Variants in CRADD observed in about 807,000 individuals in gnomAD.
CRADD encodes the protein death domain-containing protein CRADD.
Under a neutral mutation model 15.5 loss-of-function variants are expected in CRADD, and 9 were observed. The observed-to-expected ratio is 0.58, with a 90% CI of 0.35 to 1.01. The LOEUF is 1.01. Ranked by LOEUF, CRADD falls within the 50% of genes least tolerant of loss-of-function variation. CRADD has a pLI of 0.02. For synonymous variants in CRADD, 118 were observed against 107.6 expected (o/e 1.10, Z -0.60); for missense variants, 227 against 250.3 (o/e 0.91, Z 0.63).
intron 2 of CRADD, among the ~76,000 whole-genome samples, chr12:93,711,055 C>CCCCCCCTTTTTT: frequency 6.9e-5 from 3 of 43,508 alleles, no homozygotes; most frequent in Non-Finnish European, 8.8e-5. Context: ...CCACCCCCGC[C>CCCCCCCTTTTTT]TTTTTTTTTT....
chr12:93,893,916 A>T (rs998396157), intron 2 of CRADD: 9 of 627,990 alleles, frequency 1.4e-5, no homozygotes, highest in African/African-American at 3.7e-5. Flanking sequence ...GAAAAAAAAA[A>T]AAATAAGCAC....
At chr12:93,842,871 T>G (rs1565935574) in intron 2 of CRADD, among the ~76,000 whole-genome samples, 1 of 152,092 alleles carries the variant, frequency 6.6e-6, no homozygotes, top group Non-Finnish European at 1.5e-5. Context: ...GATCCTTGGC[T>G]TCATTGCAGT....
At chr12:93,823,786 A>G (rs1957794500) in intron 2 of CRADD, among the ~76,000 whole-genome samples, 1 of 152,192 alleles carries the variant, frequency 6.6e-6, no homozygotes, top group African/African-American at 2.4e-5. Flanking sequence ...AGAGGTGGGA[A>G]GTGGAGTGAG....
At chr12:93,691,830 A>G (rs986156809) in intron 2 of CRADD, among the ~76,000 whole-genome samples, 2 of 152,192 alleles carry the variant, frequency 1.3e-5, no homozygotes, top group Non-Finnish European at 2.9e-5. Context: ...AAATAATTGC[A>G]TGAAGTCAGA....
chr12:93,866,304 C>A (rs1042262001), intron 2 of CRADD, among the ~76,000 whole-genome samples: 1 of 152,022 alleles, frequency 6.6e-6, no homozygotes, highest in Non-Finnish European at 1.5e-5. Flanking sequence ...AATTTCCTTA[C>A]CCTTTCTCTC....
intron 2 of CRADD, among the ~76,000 whole-genome samples, chr12:93,833,540 G>A (rs561022775): frequency 6.6e-6 from 1 of 152,038 alleles, no homozygotes; most frequent in Admixed American, 6.5e-5. Context: ...ATTGAGGGGT[G>A]TCCCTATGTT....
At chr12:93,860,860 C>G (rs113262417) in intron 2 of CRADD, among the ~76,000 whole-genome samples, 2,269 of 152,278 alleles carry the variant, frequency 0.015, 62 homozygotes, top group African/African-American at 0.051. Context: ...CAATCAGAAA[C>G]TGACCTCTCA....
chr12:93,750,037 T>C (rs1956812155), intron 2 of CRADD, among the ~76,000 whole-genome samples: 1 of 152,234 alleles, frequency 6.6e-6, no homozygotes, highest in Non-Finnish European at 1.5e-5. Flanking sequence ...TAATACATTA[T>C]GTTCCTGCCC....
chr12:93,704,169 A>AT (rs1229558428), intron 2 of CRADD, among the ~76,000 whole-genome samples: 6 of 151,978 alleles, frequency 3.9e-5, no homozygotes, highest in Admixed American at 3.9e-4. Flanking sequence ...ACTGGAAATT[A>AT]TTTAATCTGG....
At chr12:93,759,482 C>T (rs183663353) in intron 2 of CRADD, among the ~76,000 whole-genome samples, 2 of 152,144 alleles carry the variant, frequency 1.3e-5, no homozygotes, top group East Asian at 1.9e-4. Flanking sequence ...TTATTTTTCT[C>T]ACCGGTTCTC....
chr12:93,709,484 C>T (rs542348652), intron 2 of CRADD, among the ~76,000 whole-genome samples: 116 of 152,326 alleles, frequency 7.6e-4, no homozygotes, highest in African/African-American at 2.7e-3. Context: ...TACCATTCAG[C>T]TCCCACTAAA....
At position 93,850,521 on chromosome 12, in the gene CRADD, T is replaced by A. The variant is rs1455680893; in HGVS notation, c.*250T>A. The stretch of plus-strand genomic sequence containing the variant: ...GATTGCATTGTTGTAATTGTTCAGT[T>A]TTTAAATGTGTAATGGCATTTTAAT... On this transcript the variant is annotated 3_prime_UTR_variant, in exon 3 of 3. Transcript: ENST00000332896. The surrounding 1 kb of genome is among the most constrained non-coding windows in gnomAD (Gnocchi z 4.0). 147 of 1,215,074 alleles carry A rather than the reference T, an allele frequency of 1.2e-4. No individual in the cohort carries two copies. The highest frequency in any genetic ancestry group is 1.5e-4 in the Non-Finnish European group (146 of 975,394). The allele number at this position is 1,215,074 out of a possible 1,614,324, so 75.3% of individuals were successfully genotyped here.
intron 2 of CRADD, among the ~76,000 whole-genome samples, chr12:93,744,590 C>T (rs1048518515): frequency 6.6e-6 from 1 of 152,154 alleles, no homozygotes; most frequent in Non-Finnish European, 1.5e-5. Context: ...TGGGACTTCT[C>T]GGGAGAGATC....
intron 2 of CRADD, among the ~76,000 whole-genome samples, chr12:93,836,935 T>C (rs977190854): frequency 1.3e-5 from 2 of 152,148 alleles, no homozygotes; most frequent in Non-Finnish European, 2.9e-5. Flanking sequence ...TATCACACGT[T>C]ACAAGGTGAT....
chr12:93,826,725 G>A (rs1593022944), intron 2 of CRADD: 1 of 152,232 alleles, frequency 6.6e-6, no homozygotes, highest in South Asian at 2.1e-4. Context: ...CAACAGAGAA[G>A]TGGCTGGAGA....
At chr12:93,723,905 G>A (rs1956307769) in intron 2 of CRADD, among the ~76,000 whole-genome samples, 1 of 152,152 alleles carries the variant, frequency 6.6e-6, no homozygotes, top group Non-Finnish European at 1.5e-5. Context: ...CTAGAGCTGA[G>A]AATTTCTCTT....
At chr12:93,717,976 C>T (rs1213798135) in intron 2 of CRADD, among the ~76,000 whole-genome samples, 1 of 152,198 alleles carries the variant, frequency 6.6e-6, no homozygotes, top group African/African-American at 2.4e-5. Flanking sequence ...TGTCAAAGAT[C>T]ACTTAACTTT....
At chr12:93,801,638 A>C (rs886920636) in intron 2 of CRADD, among the ~76,000 whole-genome samples, 6 of 152,190 alleles carry the variant, frequency 3.9e-5, no homozygotes, top group Non-Finnish European at 8.8e-5. Context: ...ACCTCAGGTG[A>C]TCCGCCTGCC....
At chr12:93,821,061 T>C (rs1259261025) in intron 2 of CRADD, among the ~76,000 whole-genome samples, 2 of 152,374 alleles carry the variant, frequency 1.3e-5, no homozygotes, top group South Asian at 2.1e-4. Flanking sequence ...ACATTTTGCA[T>C]GGCTCACAGC....
Sources: allele counts gnomAD v4.1 joint callset (sites outside exome capture counted in the v4.1 genomes callset), GRCh38; gene constraint gnomAD v4.1.1; non-coding constraint Gnocchi (gnomAD v3.1); transcripts MANE v1.5; gene names NCBI Gene and HGNC (gene_info 2026-07-23, HGNC 2026-07-21).